The following SLC11A1 variants were observed in gnomAD, a reference collection of about 807,000 sequenced individuals.
SLC11A1 encodes solute carrier family 11 member 1.
In SLC11A1, 59 loss-of-function variants were observed where a neutral mutation model predicts 63.2. The observed-to-expected ratio is 0.93, with a 90% CI of 0.76 to 1.16. The LOEUF (loss-of-function observed/expected upper bound fraction) is 1.16, where lower values mean the gene tolerates loss of function less well. Ranked by LOEUF, SLC11A1 falls within the 50% of genes most tolerant of loss-of-function variation. The pLI is 0.00. For synonymous variants in SLC11A1, 305 were observed against 307.8 expected, an observed-to-expected ratio of 0.99 and a Z score of 0.09; for missense variants, 688 against 730.7, an observed-to-expected ratio of 0.94 and a Z score of 0.67.
In SLC11A1 at chr2:218,387,795, T is replaced by G; in HGVS notation, c.640-5T>G. The G allele has an allele frequency of 6.2e-7, 1 of 1,610,122 alleles. No homozygotes were observed. Among genetic ancestry groups the G allele is most frequent in the Non-Finnish European group, 8.5e-7 (1 of 1,178,500 alleles). On this transcript the variant is annotated splice_region_variant and splice_polypyrimidine_tract_variant and intron_variant, in intron 7 of 14. Coordinates refer to ENST00000233202, the MANE Select transcript of SLC11A1 (RefSeq NM_000578.4). ...GGCTTGTCCTGACCAGGCTCCTCCC[T>G]GCAGTATGTGGTGGCGCGTCCTGAG...
Position 218,387,164 on chromosome 2 carries a change from C to A in SLC11A1, c.505C>A (p.Pro169Thr), listed in dbSNP as rs779546031. The change falls in exon 6 of 15, where the codon CCA becomes ACA. Residue 169 changes from proline (P) to threonine (T), a missense_variant. Transcript: ENST00000233202. Reference protein sequence around the residue: ...AFNLLSAGRIPLWGGVLITIV... With the variant: ...AFNLLSAGRITLWGGVLITIV... ...CCCGGGCCACTCTGGTTTCAGAATC[C>A]CACTCTGGGGTGGCGTCCTCATCAC... 23 of 1,614,182 alleles carry A rather than the reference C, an allele frequency of 1.4e-5. No individual in the cohort carries two copies. In the African/African-American group the frequency reaches 2.7e-4, roughly 19 times the overall value.
At chr2:218,392,959 A>G (rs1244269205) in intron 11 of SLC11A1, 22 bp from the exon 12 acceptor site, 1 of 1,571,194 alleles carries the variant, frequency 6.4e-7, no homozygotes, top group Non-Finnish European at 8.6e-7. Flanking sequence ...ACTCCTCACC[A>G]AGGAGTTCAC....
chr2:218,394,631 G>A lies in SLC11A1; in HGVS notation c.1389-1G>A, dbSNP rs573061945. On this transcript the variant is annotated splice_acceptor_variant, in intron 13 of 14. Coordinates refer to ENST00000233202, the MANE Select transcript of SLC11A1 (RefSeq NM_000578.4). LOFTEE classifies it high-confidence loss of function. ...TCCTGAGCCTCTCTCGTGTCCCCCAGGCTGAACAAGGTCGTCACCTCTTCC... is the reference window on the plus strand; with the variant it reads ...TCCTGAGCCTCTCTCGTGTCCCCCAAGCTGAACAAGGTCGTCACCTCTTCC... 2.5e-6 allele frequency: 4 copies of A among 1,613,506 alleles called. No individual in the cohort carries two copies. Among genetic ancestry groups the A allele is most frequent in the African/African-American group, 1.3e-5 (1 of 75,070 alleles).
In SLC11A1 at chr2:218,390,031, G is replaced by T. The variant is rs751779572; in HGVS notation, c.954+3G>T. The T allele has an allele frequency of 1.9e-6, 3 of 1,608,274 alleles. No homozygotes were observed. Among genetic ancestry groups the T allele is most frequent in the Non-Finnish European group, 2.5e-6 (3 of 1,176,864 alleles). ...ACCAGAAAACCAACCAGGCTGCGGT[G>T]AGACACACTTTCCCCCGCACCTGAG... On this transcript the variant is annotated splice_donor_region_variant and intron_variant, in intron 9 of 14. Transcript: ENST00000233202.
intron 11 of SLC11A1, 161 bp from the exon 12 acceptor site, chr2:218,392,820 C>T: frequency 1.9e-6 from 1 of 532,396 alleles, no homozygotes. Context: ...TTTCTCCCCA[C>T]CCATCCCCTC....
At chr2:218,388,159 A>T (rs1207410601) in intron 8 of SLC11A1, 1 of 576,554 alleles carries the variant, frequency 1.7e-6, no homozygotes, top group Non-Finnish European at 3.0e-6. Context: ...CACGAGGTCA[A>T]GAGATCGACA....
intron 2 of SLC11A1, 134 bp downstream of exon 2, chr2:218,383,236 G>C: frequency 2.1e-6 from 2 of 952,922 alleles, no homozygotes; most frequent in South Asian, 3.3e-5. Flanking sequence ...GTGGTGGACA[G>C]TGGCAACTGC....
At position 218,392,102 on chromosome 2, in the gene SLC11A1, T is replaced by C. The variant is rs1169035877; in HGVS notation, c.1164+607T>C. 4.7e-5 allele frequency: 19 copies of C among 403,534 alleles called. No homozygotes were observed. In the Admixed American group the frequency reaches 5.2e-4, roughly 11 times the overall value. The allele number at this position is 403,534 out of a possible 1,614,324, so 25.0% of individuals were successfully genotyped here. A position where few individuals can be genotyped will look rare whatever the true frequency, so the allele number is the denominator to read the frequency against. On this transcript the variant is annotated intron_variant, in intron 11 of 14. Coordinates refer to ENST00000233202, the MANE Select transcript of SLC11A1 (RefSeq NM_000578.4). Reference sequence around the variant, plus strand: ...CCTTTTTTTTGAGACGGCGTTTCGCTCTTATTGCCCAGGCTGGAGTGCAAT... The same window carrying C: ...CCTTTTTTTTGAGACGGCGTTTCGCCCTTATTGCCCAGGCTGGAGTGCAAT...
At chr2:218,391,648 G>C in intron 11 of SLC11A1, 153 bp downstream of exon 11, 5 of 1,035,018 alleles carry the variant, frequency 4.8e-6, no homozygotes, top group Non-Finnish European at 6.8e-6. Context: ...TGTTGAGACG[G>C]AGTCTCGCTC....
intron 13 of SLC11A1, 130 bp from the exon 14 acceptor site, chr2:218,394,502 G>A (rs1180181697): frequency 1.6e-5 from 17 of 1,034,656 alleles, no homozygotes; most frequent in Non-Finnish European, 2.4e-5. Flanking sequence ...GTCTGCTCCA[G>A]GTCCCACAGA....
intron 12 of SLC11A1, among the ~76,000 whole-genome samples, 177 bp downstream of exon 12, chr2:218,393,307 A>G (rs73073073): frequency 0.021 from 3,015 of 144,802 alleles, 95 homozygotes; most frequent in African/African-American, 0.07. Context: ...AATCACCATT[A>G]TCCTTCCCCC....
rs1041477424 is a variant in SLC11A1 at position 218,384,554 on chromosome 2, T to C, written c.273+189T>C. The C allele has an allele frequency of 1.1e-5, 4 of 377,926 alleles. No homozygotes were observed. The highest frequency in any genetic ancestry group is 1.4e-5 in the Non-Finnish European group (3 of 211,088). 23.4% of individuals were successfully genotyped at this position (377,926 alleles called of 1,614,324 possible). Reference sequence around the variant, plus strand: ...GGCATTTGTGTGGGGGGTAGGGGACTGGACTCCTCTCTTTAAAATATATAT... The same window carrying C: ...GGCATTTGTGTGGGGGGTAGGGGACCGGACTCCTCTCTTTAAAATATATAT... On this transcript the variant is annotated intron_variant, in intron 3 of 14. Coordinates refer to ENST00000233202, the MANE Select transcript of SLC11A1 (RefSeq NM_000578.4). This position sits in a 1 kb window ranked among gnomAD's most constrained non-coding sequence, Gnocchi z 4.0.
At chr2:218,383,514 C>G (rs1209148317) in intron 2 of SLC11A1, 1 of 158,342 alleles carries the variant, frequency 6.3e-6, no homozygotes, top group East Asian at 1.9e-4. Flanking sequence ...GAGTCTCGCT[C>G]TGTAGCCCAG....
rs1215723320 is a variant in SLC11A1 at position 218,382,344 on chromosome 2, C to G, written c.-25C>G. 1 of 1,613,186 alleles carries G rather than the reference C, an allele frequency of 6.2e-7. No individual in the cohort carries two copies. The highest frequency in any genetic ancestry group is 8.5e-7 in the Non-Finnish European group (1 of 1,179,506). On this transcript the variant is annotated 5_prime_UTR_variant, in exon 1 of 15. Transcript: ENST00000233202. ...CTGCCCAGAGCACCGCTCACACTCC[C>G]AGAGTACCTGAAGTCGGCATTTCAA...
intron 9 of SLC11A1, among the ~76,000 whole-genome samples, chr2:218,390,909 C>T (rs1262978843): frequency 1.3e-5 from 2 of 151,972 alleles, no homozygotes; most frequent in African/African-American, 4.8e-5. Flanking sequence ...CGGCCGGGTG[C>T]GGTGGCTCAC....
At chr2:218,388,734 G>A (rs528963915) in intron 8 of SLC11A1, among the ~76,000 whole-genome samples, 1 of 152,120 alleles carries the variant, frequency 6.6e-6, no homozygotes, top group South Asian at 2.1e-4. Context: ...GCCAGTAGGC[G>A]GAAGTTGCAG....
intron 12 of SLC11A1, among the ~76,000 whole-genome samples, 168 bp from the exon 13 acceptor site, chr2:218,393,952 T>C (rs1696598944): frequency 6.6e-6 from 1 of 152,152 alleles, no homozygotes; most frequent in Non-Finnish European, 1.5e-5. Flanking sequence ...TCTCCTGCTT[T>C]GGAGCCCACA....
chr2:218,386,544 A>G, intron 4 of SLC11A1, 91 bp from the exon 5 acceptor site: 1 of 846,014 alleles, frequency 1.2e-6, no homozygotes, highest in Non-Finnish European at 1.9e-6. Flanking sequence ...ACTGTCTAGT[A>G]AATGTAGTCT....
At position 218,391,863 on chromosome 2, in the gene SLC11A1, T is replaced by A. The variant is rs554762468; in HGVS notation, c.1164+368T>A. 9.8e-5 allele frequency: 26 copies of A among 266,494 alleles called. 1 individual carries two copies. Among genetic ancestry groups the A allele is most frequent in the Non-Finnish European group, 1.9e-4 (25 of 134,616 alleles). The allele number at this position is 266,494 out of a possible 1,614,324, so 16.5% of individuals were successfully genotyped here. On this transcript the variant is annotated intron_variant, in intron 11 of 14. Coordinates refer to ENST00000233202, the MANE Select transcript of SLC11A1 (RefSeq NM_000578.4). ...GTCTTGAACTCTTGACCTCAAGTGA[T>A]CCGCCTGCCTTGGCCTCCCAAAGTG...
Sources: allele counts gnomAD v4.1 joint callset (sites outside exome capture counted in the v4.1 genomes callset), GRCh38; gene constraint gnomAD v4.1.1; non-coding constraint Gnocchi (gnomAD v3.1); transcripts MANE v1.5; gene names NCBI Gene and HGNC (gene_info 2026-07-23, HGNC 2026-07-21).